APOO: variants seen among roughly 807,000 people sequenced by gnomAD.
The protein encoded by APOO is apolipoprotein O.
APOO carries 11 observed loss-of-function variants against 23.1 expected under a neutral mutation model. The observed-to-expected ratio is 0.48, with a 90% CI of 0.30 to 0.79. The LOEUF is 0.79. APOO is among the 30% of genes least tolerant of loss of function. The pLI, the probability that APOO is intolerant of heterozygous loss-of-function variation, is 0.07. For missense variants in APOO, 160 were observed against 142.7 expected, an observed-to-expected ratio of 1.12 and a Z score of -0.62; for synonymous variants, 59 against 54.8, an observed-to-expected ratio of 1.08 and a Z score of -0.34.
intron 5 of APOO, among the ~76,000 whole-genome samples, chrX:23,859,963 GTTC>G (rs1296263787): frequency 6.3e-5 from 7 of 110,990 alleles, no homozygotes; most frequent in Non-Finnish European, 9.4e-5. Context: ...AAACACAAGC[GTTC>G]TTCTTCTCCC....
At chrX:23,879,785 C>T (rs1205450747) in intron 2 of APOO, among the ~76,000 whole-genome samples, 1 of 112,139 alleles carries the variant, frequency 8.9e-6, no homozygotes, top group African/African-American at 3.2e-5. Flanking sequence ...AGCAGGACAG[C>T]AGGTTTATTC....
At chrX:23,857,217 T>G (rs1312328489) in intron 6 of APOO, among the ~76,000 whole-genome samples, 5 of 100,617 alleles carry the variant, frequency 5.0e-5, no homozygotes, top group Admixed American at 1.1e-4. Context: ...AACCTGCACA[T>G]GTACACCTAA....
chrX:23,903,712 T>G (rs900165901), intron 1 of APOO, among the ~76,000 whole-genome samples: 2 of 112,078 alleles, frequency 1.8e-5, no homozygotes, highest in African/African-American at 6.5e-5. Flanking sequence ...TCAGTTATAA[T>G]TTTTGCAAAG....
intron 8 of APOO, among the ~76,000 whole-genome samples, chrX:23,838,098 T>G (rs918380050): frequency 8.5e-5 from 9 of 105,978 alleles, no homozygotes; most frequent in Non-Finnish European, 1.7e-4. Flanking sequence ...CTCACACCTG[T>G]AATCCCAGTA....
chrX:23,903,273 G>A (rs1270009510), intron 1 of APOO, among the ~76,000 whole-genome samples: 1 of 110,241 alleles, frequency 9.1e-6, no homozygotes, highest in Non-Finnish European at 1.9e-5. Flanking sequence ...AGGAGGCTGA[G>A]GCAGAGGAAT....
chrX:23,871,565 C>A (rs1925625204), intron 4 of APOO, among the ~76,000 whole-genome samples: 1 of 111,021 alleles, frequency 9.0e-6, no homozygotes, highest in African/African-American at 3.3e-5. Flanking sequence ...TTCCAGCAGT[C>A]CCACCCCCAC....
intron 1 of APOO, among the ~76,000 whole-genome samples, chrX:23,902,569 C>T (rs886753035): frequency 3.6e-5 from 4 of 111,901 alleles, no homozygotes; most frequent in Admixed American, 9.5e-5. Context: ...TGCAGCAGCA[C>T]AAGGAAAAGC....
intron 4 of APOO, among the ~76,000 whole-genome samples, chrX:23,872,959 G>A (rs887213296): frequency 1.8e-5 from 2 of 110,544 alleles, no homozygotes; most frequent in African/African-American, 3.3e-5. Context: ...GCTGAGACAG[G>A]AGAATTGCTT....
chrX:23,869,807 C>A (rs1925521941), intron 4 of APOO, among the ~76,000 whole-genome samples: 1 of 108,536 alleles, frequency 9.2e-6, no homozygotes, highest in African/African-American at 3.4e-5. Context: ...AAAAAATTAG[C>A]TGGGCGTGGT....
chrX:23,838,857 C>G, intron 8 of APOO, among the ~76,000 whole-genome samples: 1 of 112,308 alleles, frequency 8.9e-6, no homozygotes, highest in Non-Finnish European at 1.9e-5. Context: ...TTTCAGCAAG[C>G]TGAACTCTGG....
intron 5 of APOO, among the ~76,000 whole-genome samples, chrX:23,861,702 GCCCTGGGTGCA>G (rs1925045282): frequency 9.2e-6 from 1 of 109,112 alleles, no homozygotes; most frequent in Non-Finnish European, 1.9e-5. Flanking sequence ...CCTCACACTG[GCCCTGGGTGCA>G]CCCTTGTATA....
chrX:23,864,089 G>A (rs1601906552), intron 5 of APOO, among the ~76,000 whole-genome samples: 1 of 107,530 alleles, frequency 9.3e-6, no homozygotes, highest in Non-Finnish European at 1.9e-5. Context: ...TCCACCTCTT[G>A]GGTTCAAGTG....
chrX:23,876,125 G>A (rs1287916260), intron 3 of APOO, among the ~76,000 whole-genome samples: 1 of 110,416 alleles, frequency 9.1e-6, no homozygotes, highest in Non-Finnish European at 1.9e-5. Flanking sequence ...TTAGCCGGGC[G>A]TGGTGGCAGG....
chrX:23,875,635 G>T (rs768811539), intron 3 of APOO, among the ~76,000 whole-genome samples: 1 of 107,817 alleles, frequency 9.3e-6, no homozygotes, highest in African/African-American at 3.4e-5. Context: ...GGCCAGGCTG[G>T]TCTCAAACTC....
Position 23,868,528 on chromosome X carries a change from G to T in APOO, c.388+65C>A, listed in dbSNP as rs894609971. Reference sequence around the variant, plus strand: ...CTGAAACCTGGTAAATGAAGGGAAAGAATGAAACATATATTCTATCTCTGC... The same window carrying T: ...CTGAAACCTGGTAAATGAAGGGAAATAATGAAACATATATTCTATCTCTGC... On this transcript the variant is annotated intron_variant, in intron 5 of 8. Transcript: ENST00000379226. 81 of 938,399 alleles carry T rather than the reference G, an allele frequency of 8.6e-5. No individual in the cohort carries two copies. The African/African-American group carries it at 1.5e-3, about 17-fold the overall frequency. 77.3% of individuals were successfully genotyped at this position (938,399 alleles called of 1,213,427 possible).
chrX:23,871,130 A>G (rs1005989932), intron 4 of APOO, among the ~76,000 whole-genome samples: 2 of 105,693 alleles, frequency 1.9e-5, no homozygotes, highest in Non-Finnish European at 3.9e-5. Context: ...CACTGCCAGG[A>G]GTTGATAAAT....
At chrX:23,872,445 G>C (rs962988900) in intron 4 of APOO, among the ~76,000 whole-genome samples, 2 of 107,417 alleles carry the variant, frequency 1.9e-5, no homozygotes, top group Non-Finnish European at 3.8e-5. Flanking sequence ...ACAGATAAAA[G>C]ACTATATCAG....
At chrX:23,849,174 G>A (rs904900853) in intron 7 of APOO, among the ~76,000 whole-genome samples, 1 of 109,420 alleles carries the variant, frequency 9.1e-6, no homozygotes, top group Non-Finnish European at 1.9e-5. Context: ...CTGATCTCAA[G>A]TGATCTACCC....
intron 8 of APOO, chrX:23,836,602 C>A: frequency 1.5e-6 from 1 of 680,214 alleles, no homozygotes; most frequent in Non-Finnish European, 2.1e-6. Flanking sequence ...CGTGAGCCAC[C>A]ACGCCCAGCC....
Sources: allele counts gnomAD v4.1 joint callset (sites outside exome capture counted in the v4.1 genomes callset), GRCh38; gene constraint gnomAD v4.1.1; transcripts MANE v1.5; gene names NCBI Gene and HGNC (gene_info 2026-07-23, HGNC 2026-07-21).